The following KLHL1 variants were observed in gnomAD, a reference collection of about 807,000 sequenced individuals.
KLHL1 encodes the protein kelch like family member 1, also known as kelch-like protein 1.
KLHL1 carries 47 observed loss-of-function variants against 77.7 expected under a neutral mutation model. The observed-to-expected ratio is 0.60, with a 90% CI of 0.48 to 0.77. The LOEUF is 0.77. Ranked by LOEUF, KLHL1 falls within the 30% of genes least tolerant of loss-of-function variation. KLHL1 has a pLI of 0.00. For synonymous variants in KLHL1, 360 were observed against 325.2 expected, an observed-to-expected ratio of 1.11 and a Z score of -1.15; for missense variants, 925 against 910.8, an observed-to-expected ratio of 1.02 and a Z score of -0.20.
At chr13:70,052,242 C>A (rs1446105231) in intron 1 of KLHL1, among the ~76,000 whole-genome samples, 2 of 151,518 alleles carry the variant, frequency 1.3e-5, no homozygotes, top group Non-Finnish European at 3.0e-5. Context: ...GTCGGTGTAG[C>A]ATATTTATTA....
intron 1 of KLHL1, among the ~76,000 whole-genome samples, chr13:69,978,549 C>T (rs576851634): frequency 5.3e-5 from 8 of 150,362 alleles, no homozygotes; most frequent in Non-Finnish European, 8.8e-5. Context: ...TGCAGTTGCA[C>T]GATCTTGGCT....
At chr13:69,983,571 CTT>C (rs1237252738) in intron 1 of KLHL1, among the ~76,000 whole-genome samples, 1 of 85,098 alleles carries the variant, frequency 1.2e-5, no homozygotes, top group Non-Finnish European at 1.9e-5. Flanking sequence ...GAGACCCTAT[CTT>C]TACAAAAAAA....
intron 1 of KLHL1, among the ~76,000 whole-genome samples, chr13:69,997,045 A>G (rs953102907): frequency 6.7e-6 from 1 of 148,384 alleles, no homozygotes; most frequent in African/African-American, 2.5e-5. Flanking sequence ...ACATGGTGAA[A>G]CCCTGTCTCT....
chr13:69,856,599 T>G (rs957037045), intron 5 of KLHL1, among the ~76,000 whole-genome samples: 3 of 152,068 alleles, frequency 2.0e-5, no homozygotes, highest in Non-Finnish European at 4.4e-5. Context: ...TTCCAGACAT[T>G]CCAAACATTT....
chr13:69,915,759 G>A (rs9542114), intron 4 of KLHL1, among the ~76,000 whole-genome samples: 86,508 of 151,466 alleles, frequency 0.57, 24,742 homozygotes, highest in South Asian at 0.66. Flanking sequence ...TAATTAAACT[G>A]AAGAGCTTCT....
rs1220518808 is a variant in KLHL1, at chr13:69,796,973, A to G, written c.1415-11T>C. Reference sequence around the variant, plus strand: ...CTATAGTTGTAGCTCCTGATAAAACATAAAATCAAAAAGTCACCAATTGCT... The same window carrying G: ...CTATAGTTGTAGCTCCTGATAAAACGTAAAATCAAAAAGTCACCAATTGCT... On this transcript the variant is annotated splice_polypyrimidine_tract_variant and intron_variant, in intron 6 of 10. Coordinates refer to ENST00000377844, the MANE Select transcript of KLHL1 (RefSeq NM_020866.3). The G allele has an allele frequency of 1.9e-6, 3 of 1,609,960 alleles. No homozygotes were observed. Among genetic ancestry groups the G allele is most frequent in the Non-Finnish European group, 2.5e-6 (3 of 1,176,512 alleles).
Position 70,107,738 on chromosome 13 carries a change from A to T in KLHL1, c.-39T>A. On this transcript the variant is annotated 5_prime_UTR_variant, in exon 1 of 11. Coordinates refer to ENST00000377844, the MANE Select transcript of KLHL1 (RefSeq NM_020866.3). ...AAGGCAAAAGGCTGGCAGCTCACGC[A>T]GGAGTAGGCTGGTCAGCAGGTGGGG... 6.8e-7 allele frequency: 1 copy of T among 1,465,366 alleles called. No individual in the cohort carries two copies. Among genetic ancestry groups the T allele is most frequent in the Non-Finnish European group, 9.0e-7 (1 of 1,105,822 alleles). 90.8% of individuals were successfully genotyped at this position (1,465,366 alleles called of 1,614,324 possible). A position where few individuals can be genotyped will look rare whatever the true frequency, so the allele number is the denominator to read the frequency against.
At chr13:69,992,485 G>A (rs1593657623) in intron 1 of KLHL1, among the ~76,000 whole-genome samples, 1 of 152,058 alleles carries the variant, frequency 6.6e-6, no homozygotes, top group East Asian at 1.9e-4. Context: ...GGAGAAATAT[G>A]TGCCTTAGCT....
intron 1 of KLHL1, among the ~76,000 whole-genome samples, chr13:69,977,053 C>T (rs1566465016): frequency 1.3e-5 from 2 of 151,938 alleles, no homozygotes; most frequent in African/African-American, 2.4e-5. Context: ...TTTCATTAAG[C>T]TGAACTTTTA....
chr13:70,060,583 C>A (rs911627405), intron 1 of KLHL1, among the ~76,000 whole-genome samples: 1 of 151,856 alleles, frequency 6.6e-6, no homozygotes, highest in South Asian at 2.1e-4. Flanking sequence ...ATGGCTCATG[C>A]CTGTAATCCA....
chr13:70,090,270 C>T (rs1323812185), intron 1 of KLHL1, among the ~76,000 whole-genome samples: 1 of 151,844 alleles, frequency 6.6e-6, no homozygotes, highest in African/African-American at 2.4e-5. Flanking sequence ...TAGTGATCTG[C>T]CTAGTGAGTG....
At chr13:69,752,303 G>A (rs1222968094) in intron 7 of KLHL1, among the ~76,000 whole-genome samples, 1 of 152,034 alleles carries the variant, frequency 6.6e-6, no homozygotes, top group Non-Finnish European at 1.5e-5. Context: ...GCACCCCGTT[G>A]CCTCTATTTC....
rs117516608 is a variant in KLHL1, at chr13:70,017,069, C to T, written c.498-41267G>A. ...TTCATTCTCCTGAGAACTGTTCTGC[C>T]GCTCAATGAAGCTCTTCTCCACTTT... On this transcript the variant is annotated intron_variant, in intron 1 of 10. Coordinates refer to ENST00000377844, the MANE Select transcript of KLHL1 (RefSeq NM_020866.3). 9.3e-3 allele frequency among the ~76,000 whole-genome samples: 1,414 copies of T among 152,240 alleles called. 13 individuals are homozygous for T. The highest frequency in any genetic ancestry group is 0.015 in the Non-Finnish European group (1,050 of 68,022).
intron 1 of KLHL1, among the ~76,000 whole-genome samples, chr13:70,015,829 C>T (rs533036598): frequency 1.3e-5 from 2 of 152,220 alleles, no homozygotes; most frequent in South Asian, 4.1e-4. Context: ...TATATCTGTA[C>T]AAACTGTATA....
chr13:69,783,152 C>A (rs1454649072), intron 7 of KLHL1, among the ~76,000 whole-genome samples: 6 of 152,184 alleles, frequency 3.9e-5, no homozygotes, highest in African/African-American at 9.6e-5. Context: ...ACAGAAAGGA[C>A]ATCCACAACA....
At chr13:69,912,205 G>A (rs761628755) in intron 4 of KLHL1, among the ~76,000 whole-genome samples, 11 of 152,110 alleles carry the variant, frequency 7.2e-5, no homozygotes, top group Non-Finnish European at 1.6e-4. Flanking sequence ...GCTTCTGTTT[G>A]CCATGTCAAC....
chr13:69,944,539 C>T lies in KLHL1; in HGVS notation c.818-4303G>A, dbSNP rs151070719. On this transcript the variant is annotated intron_variant, in intron 3 of 10. Transcript: ENST00000377844. ...CGGGGCGTTAGTCTTGGGGATCACCCAACATAGCATTCTAATCAGAAGTCC... is the reference window on the plus strand; with the variant it reads ...CGGGGCGTTAGTCTTGGGGATCACCTAACATAGCATTCTAATCAGAAGTCC... Among the ~76,000 whole-genome samples the T allele has an allele frequency of 5.9e-5, 9 of 152,208 alleles. No individual in the cohort carries two copies. In the East Asian group the frequency reaches 1.7e-3, roughly 29 times the overall value.
intron 7 of KLHL1, among the ~76,000 whole-genome samples, chr13:69,788,174 G>A (rs1024568642): frequency 6.6e-6 from 1 of 152,202 alleles, no homozygotes; most frequent in African/African-American, 2.4e-5. Flanking sequence ...TATACCCAAA[G>A]GATTATAAAT....
chr13:69,853,386 C>T (rs117031154), intron 5 of KLHL1, among the ~76,000 whole-genome samples: 1,536 of 152,082 alleles, frequency 0.01, 12 homozygotes, highest in Middle Eastern at 0.044. Flanking sequence ...GTTGTTGCTT[C>T]TCCTTCCACC....
Sources: gnomAD v4.1 joint callset for allele counts (sites outside exome capture counted in the v4.1 genomes callset) on GRCh38, gnomAD v4.1.1 for gene constraint, MANE v1.5 for transcripts, NCBI Gene and HGNC (gene_info 2026-07-23, HGNC 2026-07-21) for gene names.